ZC3H12B: variants seen among roughly 807,000 people sequenced by gnomAD.
ZC3H12B encodes the protein probable ribonuclease ZC3H12B.
Under a neutral mutation model 43.9 loss-of-function variants are expected in ZC3H12B, and 7 were observed. The ratio of observed to expected loss-of-function variants is 0.16; its 90% CI spans 0.09 to 0.30. ZC3H12B has a LOEUF of 0.30. ZC3H12B is among the 10% of genes least tolerant of loss of function. The probability of loss-of-function intolerance (pLI) is 1.00; values close to 1 mark genes in which losing one functional copy is unlikely to be tolerated. For missense variants in ZC3H12B, 475 were observed against 670.2 expected, an observed-to-expected ratio of 0.71 and a Z score of 3.22; for synonymous variants, 222 against 241.7, an observed-to-expected ratio of 0.92 and a Z score of 0.76.
the ZC3H12B span, among the ~76,000 whole-genome samples, chrX:65,312,448 C>T: frequency 3.7e-5 from 4 of 108,968 alleles, no homozygotes; most frequent in African/African-American, 1.4e-4. Context: ...AATGAATCTG[C>T]ACCTCTGTGC....
chrX:65,159,863 A>T, the ZC3H12B span, among the ~76,000 whole-genome samples: 1 of 111,689 alleles, frequency 9.0e-6, no homozygotes, highest in East Asian at 2.8e-4. Context: ...GAATGCTTCC[A>T]GTTTTTGCCC....
the ZC3H12B span, among the ~76,000 whole-genome samples, chrX:65,035,560 C>T: frequency 9.0e-6 from 1 of 111,214 alleles, no homozygotes; most frequent in African/African-American, 3.3e-5. Context: ...ATTCCTGATT[C>T]GTGGACAGAC....
the ZC3H12B span, among the ~76,000 whole-genome samples, chrX:65,287,620 A>T: frequency 2.7e-5 from 3 of 110,924 alleles, no homozygotes; most frequent in Admixed American, 9.7e-5. Context: ...CTTGAAACAA[A>T]TGAAAATGGA....
chrX:65,449,684 G>GA (rs781044415), intron 3 of ZC3H12B, among the ~76,000 whole-genome samples: 426 of 111,211 alleles, frequency 3.8e-3, no homozygotes, highest in African/African-American at 0.013. Flanking sequence ...AAATGAGAAT[G>GA]AAAAAATGTC....
At chrX:65,155,464 TG>T in the ZC3H12B span, among the ~76,000 whole-genome samples, 1 of 111,660 alleles carries the variant, frequency 9.0e-6, no homozygotes, top group Non-Finnish European at 1.9e-5. Flanking sequence ...ATTGCTGGAT[TG>T]TTGCATTCGT....
chrX:65,305,964 TAA>T, the ZC3H12B span, among the ~76,000 whole-genome samples: 5 of 112,124 alleles, frequency 4.5e-5, no homozygotes, highest in African/African-American at 1.6e-4. Flanking sequence ...TTACTGCCAG[TAA>T]AAAGCATACA....
At chrX:65,091,101 C>G in the ZC3H12B span, among the ~76,000 whole-genome samples, 2 of 111,632 alleles carry the variant, frequency 1.8e-5, 1 homozygote, top group Non-Finnish European at 3.8e-5. Context: ...ATTATCCACT[C>G]TCAGGTATTT....
At chrX:65,342,919 C>T in the ZC3H12B span, among the ~76,000 whole-genome samples, 3 of 109,325 alleles carry the variant, frequency 2.7e-5, no homozygotes, top group Non-Finnish European at 5.7e-5. Context: ...ACATGACTAG[C>T]TAGACTAACA....
chrX:65,363,010 C>A (rs1458246613), upstream of ZC3H12B, among the ~76,000 whole-genome samples: 1 of 111,249 alleles, frequency 9.0e-6, no homozygotes, highest in Admixed American at 9.6e-5. Context: ...ATCCCAGACT[C>A]TCTTCGCTTT....
the ZC3H12B span, among the ~76,000 whole-genome samples, chrX:65,062,435 G>T: frequency 2.7e-5 from 3 of 111,909 alleles, no homozygotes; most frequent in East Asian, 8.4e-4. Flanking sequence ...CCCTTTGCTT[G>T]TTTTTGTCAG....
chrX:65,379,365 C>T (rs770788263), intron 2 of ZC3H12B, among the ~76,000 whole-genome samples: 113 of 110,247 alleles, frequency 1.0e-3, no homozygotes, highest in African/African-American at 3.3e-3. Context: ...CTCACACGGC[C>T]GGGTACTCCA....
chrX:65,449,984 T>A (rs2067447656), intron 3 of ZC3H12B, among the ~76,000 whole-genome samples: 1 of 111,104 alleles, frequency 9.0e-6, no homozygotes, highest in Admixed American at 9.7e-5. Context: ...AAAAGCCACT[T>A]GTACCCCAAA....
At chrX:65,092,094 A>G in the ZC3H12B span, among the ~76,000 whole-genome samples, 1 of 111,281 alleles carries the variant, frequency 9.0e-6, no homozygotes, top group Non-Finnish European at 1.9e-5. Context: ...CTTTCTCTTC[A>G]TCCTGCTCTG....
At chrX:65,267,359 C>A in the ZC3H12B span, among the ~76,000 whole-genome samples, 4 of 109,760 alleles carry the variant, frequency 3.6e-5, no homozygotes, top group East Asian at 5.7e-4. Context: ...CTAATACCAA[C>A]CCACAAAAAG....
the ZC3H12B span, among the ~76,000 whole-genome samples, chrX:65,058,142 GA>G: frequency 3.7e-4 from 42 of 112,151 alleles, no homozygotes; most frequent in African/African-American, 1.4e-3. Flanking sequence ...CATTCCTTTG[GA>G]GGGGGAGAGG....
At chrX:65,411,652 G>A (rs2066904714) in intron 3 of ZC3H12B, among the ~76,000 whole-genome samples, 1 of 110,315 alleles carries the variant, frequency 9.1e-6, no homozygotes. Flanking sequence ...CTTGAACCCA[G>A]GAGGCAGAGG....
At chrX:65,503,533 A>G in exon 5 of ZC3H12B, 1 of 165,537 alleles carries the variant, frequency 6.0e-6, no homozygotes, top group Non-Finnish European at 1.1e-5. Flanking sequence ...GACAAAACCC[A>G]GGGGGAGAGG....
the ZC3H12B span, among the ~76,000 whole-genome samples, chrX:65,230,179 T>C: frequency 3.6e-5 from 4 of 111,670 alleles, no homozygotes; most frequent in Non-Finnish European, 5.6e-5. Flanking sequence ...ATGTGGCTCA[T>C]ATACACCATG....
rs1569379791 is a variant in ZC3H12B, at chrX:65,373,986, A to ATATATATAGTATATAC, written n.295+4996_295+4997insGTATATACTATATATA. Among the ~76,000 whole-genome samples, 59 of 28,902 alleles carry ATATATATAGTATATAC rather than the reference A, an allele frequency of 2.0e-3. 2 individuals carry two copies. The highest frequency in any genetic ancestry group is 0.014 in the African/African-American group (57 of 4,183). 25.1% of individuals were successfully genotyped at this position (28,902 alleles called of 115,157 possible). On this transcript the variant is annotated intron_variant and non_coding_transcript_variant, in intron 2 of 5. Coordinates refer to the ZC3H12B transcript ENST00000617377. ...TGTATATATAGTATATATATATACT[A>ATATATATAGTATATAC]TATATATATAGTATATATATATAAC...
Sources: allele counts gnomAD v4.1 joint callset (sites outside exome capture counted in the v4.1 genomes callset), GRCh38; gene constraint gnomAD v4.1.1; transcripts MANE v1.5; gene names NCBI Gene and HGNC (gene_info 2026-07-23, HGNC 2026-07-21).